CYP3A43: variants seen among roughly 807,000 people sequenced by gnomAD.
The protein encoded by CYP3A43 is cytochrome P450 family 3 subfamily A member 43.
CYP3A43 carries 45 observed loss-of-function variants against 58.0 expected under a neutral mutation model. That is an observed-to-expected ratio of 0.78 (90% CI 0.61 to 0.99). The LOEUF (loss-of-function observed/expected upper bound fraction) is 0.99, where lower values mean the gene tolerates loss of function less well. Among genes scored for constraint, CYP3A43 ranks in the 50% least tolerant of loss-of-function variants. CYP3A43 has a pLI of 0.00. For synonymous variants in CYP3A43, 191 were observed against 201.4 expected, an observed-to-expected ratio of 0.95 and a Z score of 0.44; for missense variants, 593 against 591.9, an observed-to-expected ratio of 1.00 and a Z score of -0.02.
chr7:99,836,963 C>T (rs1336053823), intron 2 of CYP3A43, among the ~76,000 whole-genome samples: 1 of 152,046 alleles, frequency 6.6e-6, no homozygotes, highest in Non-Finnish European at 1.5e-5. Flanking sequence ...CTGTTTTCAC[C>T]AAGAGCTTTA....
intron 6 of CYP3A43, among the ~76,000 whole-genome samples, chr7:99,849,211 G>T (rs1817650664): frequency 6.6e-6 from 1 of 152,222 alleles, no homozygotes; most frequent in African/African-American, 2.4e-5. Context: ...TCCTGCAGAA[G>T]CACAGTGTTG....
chr7:99,834,318 ATTCT>A (rs1301947752), intron 1 of CYP3A43, among the ~76,000 whole-genome samples: 1 of 152,104 alleles, frequency 6.6e-6, no homozygotes, highest in Non-Finnish European at 1.5e-5. Context: ...GTATTTAATG[ATTCT>A]TTCAGGAGGC....
At position 99,849,658 on chromosome 7, in the gene CYP3A43, A is replaced by C. The variant is rs770850974; in HGVS notation, c.634A>C (p.Lys212Gln). ...TCTGAAAAATATGAAGAAGCTTTTA[A>C]AATTGGATTTTTTGGATCCCTTTTT... The part of the protein sequence containing the change: ...PFLKNMKKLL[K>Q]LDFLDPFLLL... Residue 212 changes from lysine to glutamine, a missense_variant, in exon 7 of 13, where the codon AAA becomes CAA. Physicochemically the swap from Lys to Gln is moderately conservative, Grantham distance 53. Transcript: ENST00000354829. 5.9e-5 allele frequency: 95 copies of C among 1,610,116 alleles called. No individual in the cohort carries two copies. Among genetic ancestry groups the C allele is most frequent in the Admixed American group, 1.5e-4 (9 of 59,068 alleles).
At chr7:99,856,763 C>G (rs1817995295) in intron 8 of CYP3A43, 70 bp from the exon 9 acceptor site, 2 of 1,543,592 alleles carry the variant, frequency 1.3e-6, no homozygotes, top group Non-Finnish European at 1.8e-6. Flanking sequence ...GTGCTTAGGA[C>G]TGGACTCCTG....
chr7:99,849,795 T>C lies in CYP3A43; in HGVS notation c.670+101T>C, dbSNP rs1817678978. On this transcript the variant is annotated intron_variant, in intron 7 of 12. Transcript: ENST00000354829. ...AAATTCACATACCATATAATTCACC[T>C]ACTTAAAATGTATAATTCAATGGTT... 7 of 1,177,912 alleles carry C rather than the reference T, an allele frequency of 5.9e-6. No individual in the cohort carries two copies. In the South Asian group the frequency reaches 1.2e-4, roughly 19 times the overall value. The allele number at this position is 1,177,912 out of a possible 1,614,324, so 73.0% of individuals were successfully genotyped here. A position where few individuals can be genotyped will look rare whatever the true frequency, so the allele number is the denominator to read the frequency against.
At chr7:99,850,695 C>G (rs1047002195) in intron 7 of CYP3A43, among the ~76,000 whole-genome samples, 2 of 152,178 alleles carry the variant, frequency 1.3e-5, no homozygotes, top group African/African-American at 4.8e-5. Flanking sequence ...CACTAATCTA[C>G]TTTCTGTCTC....
chr7:99,832,459 A>G (rs1437328276), intron 1 of CYP3A43, among the ~76,000 whole-genome samples: 3 of 142,870 alleles, frequency 2.1e-5, no homozygotes, highest in Admixed American at 7.5e-5. Flanking sequence ...CAAACACCGC[A>G]TGTTCTCACT....
At chr7:99,847,078 GAC>G (rs949939358) in intron 4 of CYP3A43, among the ~76,000 whole-genome samples, 2 of 151,974 alleles carry the variant, frequency 1.3e-5, no homozygotes, top group Admixed American at 6.6e-5. Context: ...GTGTATTAAA[GAC>G]ACAGCTGCTC....
intron 8 of CYP3A43, 88 bp from the exon 9 acceptor site, chr7:99,856,745 C>A: frequency 7.4e-7 from 1 of 1,357,878 alleles, no homozygotes; most frequent in South Asian, 1.2e-5. Flanking sequence ...AGCATATTCT[C>A]AGGAGGGGTG....
At chr7:99,855,149 T>C (rs1271722952) in intron 7 of CYP3A43, among the ~76,000 whole-genome samples, 2 of 152,128 alleles carry the variant, frequency 1.3e-5, no homozygotes, top group Non-Finnish European at 2.9e-5. Flanking sequence ...CTAAGTGCAA[T>C]TCTCTTGCTT....
intron 12 of CYP3A43, among the ~76,000 whole-genome samples, chr7:99,864,489 G>A (rs998929345): frequency 1.3e-5 from 2 of 148,520 alleles, no homozygotes; most frequent in African/African-American, 2.6e-5. Context: ...CTTCCCCATC[G>A]AGTACAGGGC....
At chr7:99,858,834 A>C (rs1482659665) in intron 9 of CYP3A43, among the ~76,000 whole-genome samples, 1 of 151,932 alleles carries the variant, frequency 6.6e-6, no homozygotes, top group Non-Finnish European at 1.5e-5. Context: ...CTGGGACTAC[A>C]GGTGCCCACC....
chr7:99,830,389 G>A (rs2151585359), intron 1 of CYP3A43, among the ~76,000 whole-genome samples: 1 of 152,214 alleles, frequency 6.6e-6, no homozygotes, highest in African/African-American at 2.4e-5. Flanking sequence ...GTGGTGGCAG[G>A]TGCCTGCAAT....
intron 6 of CYP3A43, 145 bp from the exon 7 acceptor site, chr7:99,849,401 A>G (rs1817660125): frequency 1.1e-6 from 1 of 935,056 alleles, no homozygotes; most frequent in Non-Finnish European, 1.5e-6. Context: ...CCTCATGAGT[A>G]TGATGGGAGA....
chr7:99,855,463 C>A, intron 7 of CYP3A43, 128 bp from the exon 8 acceptor site: 1 of 1,226,438 alleles, frequency 8.2e-7, no homozygotes, highest in Non-Finnish European at 1.1e-6. Context: ...GGGCAAAGGT[C>A]ATACAGGAAA....
chr7:99,859,846 G>A lies in CYP3A43; in HGVS notation c.882G>A (p.Glu294=). ...TCCTTTCAGCTCTGTCTGATCTGGAGCTTGTGGCCCAGTCAATTATCATCA... is the reference window on the plus strand; with the variant it reads ...TCCTTTCAGCTCTGTCTGATCTGGAACTTGTGGCCCAGTCAATTATCATCA... ...TKSHKALSDL[E]LVAQSIIIIF... The change falls in exon 10 of 13, where the codon GAG becomes GAA. Residue 294 remains glutamate (E), a synonymous_variant. Coordinates refer to ENST00000354829, the MANE Select transcript of CYP3A43 (RefSeq NM_057095.3). The A allele has an allele frequency of 1.9e-6, 3 of 1,614,136 alleles. No homozygotes were observed. Among genetic ancestry groups the A allele is most frequent in the Non-Finnish European group, 2.5e-6 (3 of 1,180,032 alleles).
intron 3 of CYP3A43, 139 bp from the exon 4 acceptor site, chr7:99,844,004 G>A (rs766132244): frequency 6.1e-5 from 38 of 627,386 alleles, no homozygotes; most frequent in Admixed American, 9.6e-5. Context: ...AATTGACCTT[G>A]GAGCTGGCTT....
chr7:99,855,461 G>A (rs1442104258), intron 7 of CYP3A43, 130 bp from the exon 8 acceptor site: 2 of 1,213,644 alleles, frequency 1.6e-6, no homozygotes, highest in African/African-American at 3.1e-5. Flanking sequence ...AGGGGCAAAG[G>A]TCATACAGGA....
chr7:99,859,468 G>A (rs906641997), intron 9 of CYP3A43, among the ~76,000 whole-genome samples: 2 of 152,160 alleles, frequency 1.3e-5, no homozygotes, highest in African/African-American at 4.8e-5. Context: ...GTTACTCCAC[G>A]TTTACTTATA....
Sources: gnomAD v4.1 joint callset for allele counts (sites outside exome capture counted in the v4.1 genomes callset) on GRCh38, gnomAD v4.1.1 for gene constraint, MANE v1.5 for transcripts, NCBI Gene and HGNC (gene_info 2026-07-23, HGNC 2026-07-21) for gene names.